The following DOK5 variants were observed in gnomAD, a reference collection of about 807,000 sequenced individuals.
The protein encoded by DOK5 is docking protein 5.
DOK5 carries 27 observed loss-of-function variants against 43.3 expected under a neutral mutation model. The observed-to-expected ratio is 0.62, with a 90% confidence interval of 0.46 to 0.86. The LOEUF is 0.86. Ranked by LOEUF, DOK5 falls within the 40% of genes least tolerant of loss-of-function variation. The pLI is 0.00. For synonymous variants in DOK5, 146 were observed against 140.1 expected (o/e 1.04, Z -0.30); for missense variants, 373 against 392.9 (o/e 0.95, Z 0.43).
intron 6 of DOK5, among the ~76,000 whole-genome samples, chr20:54,624,563 T>C (rs1390274934): frequency 6.6e-6 from 1 of 152,180 alleles, no homozygotes; most frequent in Non-Finnish European, 1.5e-5. Flanking sequence ...TCTCTCCTAA[T>C]GCCCAAACAG....
At chr20:54,647,109 A>G (rs866068795) in intron 7 of DOK5, among the ~76,000 whole-genome samples, 1 of 152,144 alleles carries the variant, frequency 6.6e-6, no homozygotes, top group South Asian at 2.1e-4. Context: ...CACAAGACAT[A>G]CCTAATCTAC....
chr20:54,639,770 T>C (rs887474384), intron 6 of DOK5, among the ~76,000 whole-genome samples: 2 of 152,218 alleles, frequency 1.3e-5, no homozygotes, highest in African/African-American at 4.8e-5. Flanking sequence ...TCCCGTAGGC[T>C]GATTGAAATA....
At chr20:54,564,425 CG>C (rs141606456) in intron 2 of DOK5, among the ~76,000 whole-genome samples, 3,060 of 151,970 alleles carry the variant, frequency 0.02, 93 homozygotes, top group African/African-American at 0.07. Context: ...AGCAAGACTC[CG>C]TCAAAAAAAA....
intron 6 of DOK5, among the ~76,000 whole-genome samples, chr20:54,623,874 C>T (rs563716329): frequency 8.5e-4 from 130 of 152,300 alleles, no homozygotes; most frequent in Non-Finnish European, 1.4e-3. Context: ...CCACTGCACC[C>T]GGCCAGTGAT....
chr20:54,531,170 G>A (rs1453974815), intron 1 of DOK5, among the ~76,000 whole-genome samples: 1 of 152,180 alleles, frequency 6.6e-6, no homozygotes, highest in Non-Finnish European at 1.5e-5. Flanking sequence ...CATCATGAAT[G>A]TCTGTGAAAC....
intron 1 of DOK5, among the ~76,000 whole-genome samples, chr20:54,520,696 G>A (rs1286782163): frequency 6.6e-6 from 1 of 152,036 alleles, no homozygotes; most frequent in Non-Finnish European, 1.5e-5. Flanking sequence ...GAAGCAGGAG[G>A]ACTTGCTTGA....
intron 2 of DOK5, among the ~76,000 whole-genome samples, chr20:54,574,949 A>G (rs1267311761): frequency 2.0e-5 from 3 of 152,220 alleles, no homozygotes; most frequent in African/African-American, 7.2e-5. Flanking sequence ...GCTGAGCCTC[A>G]TTCATGGAGG....
intron 7 of DOK5, 103 bp from the exon 8 acceptor site, chr20:54,650,312 A>T (rs942245571): frequency 1.5e-5 from 17 of 1,141,756 alleles, no homozygotes; most frequent in Non-Finnish European, 2.1e-5. Context: ...TTCTGCCTTA[A>T]GTACATTTAC....
intron 7 of DOK5, among the ~76,000 whole-genome samples, chr20:54,645,578 C>T (rs1979373821): frequency 2.0e-5 from 3 of 152,114 alleles, no homozygotes; most frequent in Admixed American, 6.5e-5. Flanking sequence ...TCACCTCCAG[C>T]GCCCCTCAGG....
intron 2 of DOK5, among the ~76,000 whole-genome samples, chr20:54,588,133 C>T (rs909307779): frequency 1.7e-4 from 26 of 151,804 alleles, no homozygotes; most frequent in Non-Finnish European, 2.8e-4. Context: ...CCACAGAGAC[C>T]GAAACAGACA....
At chr20:54,505,983 G>T (rs1889122377) in intron 1 of DOK5, among the ~76,000 whole-genome samples, 1 of 152,202 alleles carries the variant, frequency 6.6e-6, no homozygotes, top group African/African-American at 2.4e-5. Flanking sequence ...GGCACTACTG[G>T]CTTGTGAGCT....
intron 6 of DOK5, among the ~76,000 whole-genome samples, chr20:54,631,008 A>C (rs1207808158): frequency 6.6e-6 from 1 of 152,208 alleles, no homozygotes; most frequent in African/African-American, 2.4e-5. Context: ...TAAATTAAAC[A>C]GTGGTTAGGG....
intron 1 of DOK5, among the ~76,000 whole-genome samples, chr20:54,531,707 C>T (rs972166483): frequency 2.6e-5 from 4 of 152,140 alleles, no homozygotes; most frequent in East Asian, 1.9e-4. Flanking sequence ...TCCAAGAAAG[C>T]GCAAAGAAAG....
At chr20:54,481,584 A>G (rs1981721013) in intron 1 of DOK5, among the ~76,000 whole-genome samples, 2 of 152,134 alleles carry the variant, frequency 1.3e-5, no homozygotes, top group East Asian at 3.8e-4. Context: ...ATGTACTGCC[A>G]AGGACATGTG....
At chr20:54,551,319 G>A (rs1984522372) in intron 1 of DOK5, among the ~76,000 whole-genome samples, 1 of 152,044 alleles carries the variant, frequency 6.6e-6, no homozygotes, top group African/African-American at 2.4e-5. Flanking sequence ...TCAGATATGT[G>A]GTTTACACAT....
At chr20:54,486,221 G>C (rs1323205732) in intron 1 of DOK5, among the ~76,000 whole-genome samples, 4 of 152,056 alleles carry the variant, frequency 2.6e-5, no homozygotes, top group African/African-American at 9.7e-5. Context: ...AGTTACTCCA[G>C]CACTTTTTTG....
chr20:54,545,683 G>T (rs763973299), intron 1 of DOK5, among the ~76,000 whole-genome samples: 2 of 152,210 alleles, frequency 1.3e-5, no homozygotes, highest in Non-Finnish European at 2.9e-5. Context: ...TGCTATCACT[G>T]AAGGAGAGAT....
intron 5 of DOK5, among the ~76,000 whole-genome samples, chr20:54,599,899 G>C (rs1215393337): frequency 2.0e-5 from 3 of 152,206 alleles, no homozygotes; most frequent in Admixed American, 2.0e-4. Context: ...CTCAACAGAA[G>C]AGAGAGATAT....
chr20:54,514,260 A>G (rs1297870435), intron 1 of DOK5, among the ~76,000 whole-genome samples: 1 of 152,158 alleles, frequency 6.6e-6, no homozygotes, highest in Non-Finnish European at 1.5e-5. Flanking sequence ...ATTATTCTGA[A>G]TAATTCTGCA....
Sources: gnomAD v4.1 joint callset for allele counts (sites outside exome capture counted in the v4.1 genomes callset) on GRCh38, gnomAD v4.1.1 for gene constraint, MANE v1.5 for transcripts, NCBI Gene and HGNC (gene_info 2026-07-23, HGNC 2026-07-21) for gene names.